The following PEX6 variants were observed in gnomAD, a reference collection of about 807,000 sequenced individuals.
The protein encoded by PEX6 is peroxisome biogenesis factor 6.
In PEX6, 55 loss-of-function variants were observed where a neutral mutation model predicts 85.6. The observed-to-expected ratio is 0.64, with a 90% CI of 0.52 to 0.80. The LOEUF (loss-of-function observed/expected upper bound fraction) is 0.80. Among genes scored for constraint, PEX6 ranks in the 30% least tolerant of loss-of-function variants. PEX6 has a pLI of 0.00. For missense variants in PEX6, 1,099 were observed against 1,260.3 expected (o/e 0.87, Z 1.94); for synonymous variants, 519 against 549.1 (o/e 0.95, Z 0.77).
intron 2 of PEX6, among the ~76,000 whole-genome samples, chr6:42,974,450 TG>T (rs58234213): frequency 0.21 from 19,934 of 95,872 alleles, 3,141 homozygotes; most frequent in Non-Finnish European, 0.27. Context: ...ATGTTTTTTT[TG>T]TTTTTTTTTT....
chr6:42,974,843 A>C (rs1391466245), intron 2 of PEX6, 32 bp downstream of exon 2: 3 of 1,588,824 alleles, frequency 1.9e-6, no homozygotes, highest in Non-Finnish European at 2.6e-6. Flanking sequence ...GAGGGTGAGA[A>C]GCTATCCTCC....
Position 42,978,345 on chromosome 6 carries a change from C to T in PEX6, c.806G>A (p.Gly269Glu). 1 of 1,614,208 alleles carries T rather than the reference C, an allele frequency of 6.2e-7. No homozygotes were observed. Among genetic ancestry groups the T allele is most frequent in the Non-Finnish European group, 8.5e-7 (1 of 1,180,020 alleles). Residue 269 changes from glycine to glutamate, a missense_variant, in exon 1 of 17, where the codon GGA (glycine) becomes GAA (glutamate). Coordinates refer to ENST00000304611, the MANE Select transcript of PEX6 (RefSeq NM_000287.4). ...CAAAGTGGCAGGGACAAGCGCCAGTCCGTCAGCGAGGGGCTCTCCCAGCGG... is the reference window on the plus strand; with the variant it reads ...CAAAGTGGCAGGGACAAGCGCCAGTTCGTCAGCGAGGGGCTCTCCCAGCGG... Reference protein sequence around the residue: ...SGPLGEPLADGLALVPATLAF... With the variant: ...SGPLGEPLADELALVPATLAF...
At chr6:42,972,567 G>A (rs1379910065) in intron 3 of PEX6, among the ~76,000 whole-genome samples, 4 of 152,156 alleles carry the variant, frequency 2.6e-5, no homozygotes, top group African/African-American at 4.8e-5. Context: ...TCAGGAGATC[G>A]AGACCATCCT....
rs771239123 is a variant in PEX6 at position 42,979,171 on chromosome 6, G to C, written c.-21C>G. 5 of 1,570,022 alleles carry C rather than the reference G, an allele frequency of 3.2e-6. No homozygotes were observed. Among genetic ancestry groups the C allele is most frequent in the Non-Finnish European group, 3.4e-6 (4 of 1,166,724 alleles). ...GCCATGGTGACAGGACACCAACGAG[G>C]AGGGTGAAGGAGCGCAGCTTCCGGA... On this transcript the variant is annotated 5_prime_UTR_variant, in exon 1 of 17. Transcript: ENST00000304611.
intron 2 of PEX6, 61 bp downstream of exon 2, chr6:42,974,814 G>C (rs1178075365): frequency 1.3e-6 from 2 of 1,481,868 alleles, no homozygotes; most frequent in Admixed American, 3.3e-5. Flanking sequence ...TCTAAGGCAT[G>C]GGATAGGAGG....
rs963765055 is a variant in PEX6 at position 42,965,861 on chromosome 6, G to T, written c.2363-72C>A. On this transcript the variant is annotated intron_variant, in intron 12 of 16. Coordinates refer to ENST00000304611, the MANE Select transcript of PEX6 (RefSeq NM_000287.4). The surrounding 1 kb of genome is among the most constrained non-coding windows in gnomAD (Gnocchi z 5.0). The stretch of plus-strand genomic sequence containing the variant: ...GGGGTTGAAGTTAGGTGAGAGCAGG[G>T]AGGGAAACTGGGGCCTGACAATACA... The T allele has an allele frequency of 1.4e-6, 2 of 1,408,308 alleles. No homozygotes were observed. Among genetic ancestry groups the T allele is most frequent in the East Asian group, 2.3e-5 (1 of 43,954 alleles). 87.2% of individuals were successfully genotyped at this position (1,408,308 alleles called of 1,614,324 possible). A position where few individuals can be genotyped will look rare whatever the true frequency, so the allele number is the denominator to read the frequency against.
At position 42,968,515 on chromosome 6, in the gene PEX6, A is replaced by G. The variant is rs1311980848; in HGVS notation, c.1480-17T>C. On this transcript the variant is annotated splice_polypyrimidine_tract_variant and intron_variant, in intron 6 of 16. Coordinates refer to ENST00000304611, the MANE Select transcript of PEX6 (RefSeq NM_000287.4). Reference sequence around the variant, plus strand: ...GCAGGGCACCTGGGGAGGGGATCCCAATGGGTCTGTGAGCAAGGGGAAAGC... The same window carrying G: ...GCAGGGCACCTGGGGAGGGGATCCCGATGGGTCTGTGAGCAAGGGGAAAGC... 6.4e-7 allele frequency: 1 copy of G among 1,553,470 alleles called. No homozygotes were observed. The highest frequency in any genetic ancestry group is 8.7e-7 in the Non-Finnish European group (1 of 1,146,784).
At position 42,968,516 on chromosome 6, in the gene PEX6, A is replaced by T; in HGVS notation, c.1480-18T>A. 6.4e-7 allele frequency: 1 copy of T among 1,552,544 alleles called. No individual in the cohort carries two copies. The highest frequency in any genetic ancestry group is 8.7e-7 in the Non-Finnish European group (1 of 1,145,910). On this transcript the variant is annotated intron_variant, in intron 6 of 16. Transcript: ENST00000304611. The stretch of plus-strand genomic sequence containing the variant: ...CAGGGCACCTGGGGAGGGGATCCCA[A>T]TGGGTCTGTGAGCAAGGGGAAAGCA...
Position 42,965,906 on chromosome 6 carries a change from T to G in PEX6, c.2363-117A>C. 1 of 1,299,648 alleles carries G rather than the reference T, an allele frequency of 7.7e-7. No homozygotes were observed. The highest frequency in any genetic ancestry group is 1.1e-6 in the Non-Finnish European group (1 of 897,962). The allele number at this position is 1,299,648 out of a possible 1,614,324, so 80.5% of individuals were successfully genotyped here. A position where few individuals can be genotyped will look rare whatever the true frequency, so the allele number is the denominator to read the frequency against. On this transcript the variant is annotated intron_variant, in intron 12 of 16. Coordinates refer to ENST00000304611, the MANE Select transcript of PEX6 (RefSeq NM_000287.4). The surrounding 1 kb of genome is among the most constrained non-coding windows in gnomAD (Gnocchi z 5.0). Reference sequence around the variant, plus strand: ...AATACAGCACTGGCATCCCAGGTACTAGACCCAGCTGGGCAGGAACCTGAC... The same window carrying G: ...AATACAGCACTGGCATCCCAGGTACGAGACCCAGCTGGGCAGGAACCTGAC...
intron 1 of PEX6, among the ~76,000 whole-genome samples, chr6:42,977,937 A>G (rs1457497071): frequency 7.0e-6 from 1 of 143,414 alleles, no homozygotes; most frequent in East Asian, 2.3e-4. Flanking sequence ...TCCGCCTCCC[A>G]GGTTCAAGCG....
Position 42,964,171 on chromosome 6 carries a change from C to T in PEX6, c.*164G>A. The T allele has an allele frequency of 1.4e-6, 1 of 708,250 alleles. No individual in the cohort carries two copies. The highest frequency in any genetic ancestry group is 2.4e-6 in the Non-Finnish European group (1 of 414,792). The allele number at this position is 708,250 out of a possible 1,614,324, so 43.9% of individuals were successfully genotyped here. A position where few individuals can be genotyped will look rare whatever the true frequency, so the allele number is the denominator to read the frequency against. ...GCAGGAGATATCTCTTGAGCTGTTGCTGCTGTCTCAATGCCACTTTGCACC... is the reference window on the plus strand; with the variant it reads ...GCAGGAGATATCTCTTGAGCTGTTGTTGCTGTCTCAATGCCACTTTGCACC... On this transcript the variant is annotated 3_prime_UTR_variant, in exon 17 of 17. Transcript: ENST00000304611. The surrounding 1 kb of genome is among the most constrained non-coding windows in gnomAD (Gnocchi z 4.6).
Position 42,965,239 on chromosome 6 carries a change from A to G in PEX6, c.2588+13T>C, listed in dbSNP as rs747574572. The G allele has an allele frequency of 1.2e-6, 2 of 1,611,786 alleles. No homozygotes were observed. The highest frequency in any genetic ancestry group is 3.3e-5 in the Admixed American group (2 of 60,022). On this transcript the variant is annotated intron_variant, in intron 14 of 16. Transcript: ENST00000304611. The surrounding 1 kb of genome is among the most constrained non-coding windows in gnomAD (Gnocchi z 5.0). ...CAAAATGAGGGTGGAGATGAGCAGTACAAGGGGCCCACCTGCCAGGCCGCA... is the reference window on the plus strand; with the variant it reads ...CAAAATGAGGGTGGAGATGAGCAGTGCAAGGGGCCCACCTGCCAGGCCGCA...
intron 8 of PEX6, 40 bp from the exon 9 acceptor site, chr6:42,966,898 T>G: frequency 6.5e-7 from 1 of 1,535,732 alleles, no homozygotes; most frequent in Non-Finnish European, 9.0e-7. Context: ...CAGGGCACAG[T>G]AGGCAGGAAC....
chr6:42,967,250 T>C (rs1162059444), intron 8 of PEX6, 118 bp downstream of exon 8: 8 of 1,011,668 alleles, frequency 7.9e-6, no homozygotes, highest in Non-Finnish European at 1.2e-5. Context: ...ATTACAGGCG[T>C]GAGCCACGGC....
intron 3 of PEX6, 28 bp from the exon 4 acceptor site, chr6:42,970,015 A>G: frequency 1.3e-6 from 2 of 1,588,466 alleles, no homozygotes; most frequent in Non-Finnish European, 1.7e-6. Flanking sequence ...AATGAACCCC[A>G]GATCCAGAGT....
intron 3 of PEX6, among the ~76,000 whole-genome samples, chr6:42,973,511 C>T (rs1329570518): frequency 1.3e-5 from 2 of 152,106 alleles, no homozygotes; most frequent in Admixed American, 6.6e-5. Flanking sequence ...TTTCTTCAGT[C>T]ATACACTTGT....
intron 2 of PEX6, 82 bp from the exon 3 acceptor site, chr6:42,974,168 G>T (rs1770172637): frequency 9.6e-7 from 1 of 1,042,646 alleles, no homozygotes; most frequent in Non-Finnish European, 1.5e-6. Context: ...CCCCCGACAT[G>T]CAGACTACTT....
rs375115709 is a variant in PEX6, at chr6:42,966,760, T to A, written c.1961+22A>T. 3 of 1,613,814 alleles carry A rather than the reference T, an allele frequency of 1.9e-6. No homozygotes were observed. The African/African-American group carries it at 4.0e-5, about 22-fold the overall frequency. Reference sequence around the variant, plus strand: ...TACATCCATTTCCTCTTTCCGCCTTTCCGGTGCCCACGTCCTCTTACCCTG... The same window carrying A: ...TACATCCATTTCCTCTTTCCGCCTTACCGGTGCCCACGTCCTCTTACCCTG... On this transcript the variant is annotated intron_variant, in intron 9 of 16. Coordinates refer to ENST00000304611, the MANE Select transcript of PEX6 (RefSeq NM_000287.4).
chr6:42,975,065 TA>T lies in PEX6; in HGVS notation c.883-28del, dbSNP rs3831135. 0.057 allele frequency: 91,083 copies of T among 1,595,722 alleles called. 2,998 individuals are homozygous for T. Among genetic ancestry groups the T allele is most frequent in the African/African-American group, 0.13 (9,733 of 74,602 alleles). ...TATTAGAGAAATAACCACCACGTTA[TA>T]ACCTTCTCCTAAGGGGGCAGGCTCT... On this transcript the variant is annotated intron_variant, in intron 1 of 16. Coordinates refer to ENST00000304611, the MANE Select transcript of PEX6 (RefSeq NM_000287.4).
Sources: allele counts gnomAD v4.1 joint callset (sites outside exome capture counted in the v4.1 genomes callset), GRCh38; gene constraint gnomAD v4.1.1; non-coding constraint Gnocchi (gnomAD v3.1); transcripts MANE v1.5; gene names NCBI Gene and HGNC (gene_info 2026-07-23, HGNC 2026-07-21).